The following PTPRB variants were observed in gnomAD, a reference collection of about 807,000 sequenced individuals.
PTPRB encodes the protein protein tyrosine phosphatase receptor type B.
A neutral mutation model predicts 238.1 loss-of-function variants in PTPRB; 97 were observed. The observed-to-expected ratio is 0.41, with a 90% confidence interval of 0.35 to 0.48. The LOEUF (loss-of-function observed/expected upper bound fraction) is 0.48. Among genes scored for constraint, PTPRB ranks in the 20% least tolerant of loss-of-function variants. The pLI, the probability that PTPRB is intolerant of heterozygous loss-of-function variation, is 0.30. For missense variants in PTPRB, 2,292 were observed against 2,681.9 expected (o/e 0.85, Z 3.21); for synonymous variants, 970 against 995.4 (o/e 0.97, Z 0.48).
Position 70,571,879 on chromosome 12 carries a change from A to G in PTPRB, c.3051T>C (p.Thr1017=), listed in dbSNP as rs1880098535. 6.2e-7 allele frequency: 1 copy of G among 1,613,866 alleles called. No homozygotes were observed. The highest frequency in any genetic ancestry group is 8.5e-7 in the Non-Finnish European group (1 of 1,179,842). The stretch of plus-strand genomic sequence containing the variant: ...CATATTGTCCACTTTTTGTAGTAAC[A>G]GTGACACTGTACAACCGTCCAGGGA... ...QLVPGRLYSV[T]VTTKSGQYEA... Residue 1017 remains threonine (T), a synonymous_variant, in exon 12 of 34, where the codon ACT becomes ACC. Coordinates refer to ENST00000334414, the MANE Select transcript of PTPRB (RefSeq NM_001109754.4).
chr12:70,548,426 G>A (rs1334413281), intron 21 of PTPRB, among the ~76,000 whole-genome samples: 8 of 151,040 alleles, frequency 5.3e-5, no homozygotes, highest in Non-Finnish European at 2.9e-5. Context: ...GCCTGGGCTA[G>A]GAACAAGAGG....
chr12:70,555,246 G>A lies in PTPRB; in HGVS notation c.5057C>T (p.Ser1686Phe). The change falls in exon 20 of 34, where the codon TCC becomes TTC. Residue 1686 changes from serine to phenylalanine, a missense_variant. Around this residue, in one of 4 missense-constraint regions of PTPRB, gnomAD observed 683 missense variants for 862.0 expected, o/e 0.79. Transcript: ENST00000334414. ...GCTGCAGTTGACAGTAAAGTTGATG[G>A]AAGACTTGCTAATTAGCACATCCTT... Reference protein sequence around the residue: ...NEKDVLISKSSINFTVNCSWF... With the variant: ...NEKDVLISKSFINFTVNCSWF... The A allele has an allele frequency of 1.9e-6, 3 of 1,613,854 alleles. No individual in the cohort carries two copies. The highest frequency in any genetic ancestry group is 2.5e-6 in the Non-Finnish European group (3 of 1,179,858).
chr12:70,555,408 C>T (rs1877506916), intron 19 of PTPRB, 99 bp from the exon 20 acceptor site: 3 of 1,166,618 alleles, frequency 2.6e-6, no homozygotes, highest in Non-Finnish European at 2.4e-6. Flanking sequence ...TCTCCTGCAT[C>T]AGACTGTGTG....
In PTPRB at chr12:70,556,049, A is replaced by C; in HGVS notation, c.4814T>G (p.Ile1605Ser). 1 of 1,613,944 alleles carries C rather than the reference A, an allele frequency of 6.2e-7. No homozygotes were observed. Among genetic ancestry groups the C allele is most frequent in the East Asian group, 2.2e-5 (1 of 44,870 alleles). Residue 1605 changes from isoleucine to serine, a missense_variant, in exon 19 of 34, where the codon ATT (isoleucine) becomes AGT (serine). Transcript: ENST00000334414. ...TTGGGTGTCCATTTTCCGGCATTCA[A>C]TACTATAACCATCAAAGTCAGAATC... ...PPDSDFDGYS[I>S]ECRKMDTQEV...
At chr12:70,531,751 G>A (rs1201344840) in intron 32 of PTPRB, among the ~76,000 whole-genome samples, 3 of 127,676 alleles carry the variant, frequency 2.3e-5, no homozygotes, top group African/African-American at 9.4e-5. Context: ...TGGAGGGAGT[G>A]GGGCTGGGGG....
intron 19 of PTPRB, 113 bp from the exon 20 acceptor site, chr12:70,555,422 G>C: frequency 9.9e-7 from 1 of 1,006,174 alleles, no homozygotes; most frequent in Non-Finnish European, 1.4e-6. Context: ...CTGTGTGTGT[G>C]TGAGCGTGTG....
At chr12:70,534,458 C>T (rs778527881) in intron 31 of PTPRB, 30 bp downstream of exon 31, 1 of 1,605,920 alleles carries the variant, frequency 6.2e-7, no homozygotes, top group African/African-American at 1.3e-5. Flanking sequence ...TTATGGCTGC[C>T]ATTTTATTGG....
chr12:70,615,531 T>G (rs1276038811), intron 3 of PTPRB, among the ~76,000 whole-genome samples: 1 of 152,236 alleles, frequency 6.6e-6, no homozygotes, highest in African/African-American at 2.4e-5. Context: ...GAAATGGGCT[T>G]TACATAGCTT....
intron 15 of PTPRB, among the ~76,000 whole-genome samples, chr12:70,566,151 A>G (rs991850883): frequency 3.9e-5 from 6 of 152,204 alleles, no homozygotes; most frequent in Admixed American, 2.0e-4. Flanking sequence ...AAAATAATAA[A>G]TTTGGGTGGT....
intron 4 of PTPRB, among the ~76,000 whole-genome samples, chr12:70,604,925 A>G (rs907923477): frequency 3.3e-5 from 5 of 152,296 alleles, no homozygotes; most frequent in Admixed American, 2.6e-4. Flanking sequence ...ATTGTGAGAA[A>G]ATAAATTTCT....
chr12:70,567,986 G>T (rs7300922), intron 14 of PTPRB, among the ~76,000 whole-genome samples: 2 of 151,836 alleles, frequency 1.3e-5, no homozygotes, highest in Non-Finnish European at 2.9e-5. Flanking sequence ...CACCGTGCCC[G>T]GCCTTTATTC....
At chr12:70,541,631 C>T (rs566730015) in intron 22 of PTPRB, 3 of 150,184 alleles carry the variant, frequency 2.0e-5, no homozygotes, top group Admixed American at 6.7e-5. Flanking sequence ...CCTCCCTCCC[C>T]GCGATCCCTG....
chr12:70,569,844 G>C lies in PTPRB; in HGVS notation c.3465C>G (p.Ser1155=). Residue 1155 remains serine, a synonymous_variant, in exon 14 of 34, where the codon TCC becomes TCG. Coordinates refer to ENST00000334414, the MANE Select transcript of PTPRB (RefSeq NM_001109754.4). ...TGTGCCTGAATGCCGACACCGTGTA[G>C]GAATCAACGTCTCCCCCACCAGGAG... ...NWTPGGGDVD[S]YTVSAFRHSQ... is the part of the protein sequence containing the mutation. The C allele has an allele frequency of 1.2e-6, 2 of 1,613,972 alleles. No individual in the cohort carries two copies. The highest frequency in any genetic ancestry group is 1.7e-6 in the Non-Finnish European group (2 of 1,179,894).
At chr12:70,572,795 AAAG>A (rs1364284355) in intron 11 of PTPRB, among the ~76,000 whole-genome samples, 1 of 151,546 alleles carries the variant, frequency 6.6e-6, no homozygotes, top group East Asian at 1.9e-4. Context: ...AAAAAAAAGA[AAAG>A]AAAAGGAAAA....
chr12:70,582,925 A>T (rs888850798), intron 9 of PTPRB, among the ~76,000 whole-genome samples: 7 of 152,176 alleles, frequency 4.6e-5, no homozygotes, highest in Admixed American at 3.9e-4. Flanking sequence ...GGTGACAAAT[A>T]AGCTTGTGAA....
intron 17 of PTPRB, among the ~76,000 whole-genome samples, chr12:70,559,993 C>T (rs573598017): frequency 5.9e-5 from 9 of 151,976 alleles, no homozygotes; most frequent in African/African-American, 1.9e-4. Context: ...CCCACCACTA[C>T]ACCTGGCTAA....
intron 23 of PTPRB, 54 bp downstream of exon 23, chr12:70,540,804 C>T: frequency 7.6e-7 from 1 of 1,312,036 alleles, no homozygotes; most frequent in Non-Finnish European, 1.1e-6. Context: ...AGGGAATTTT[C>T]AGTTGCATTT....
rs912005950 is a variant in PTPRB at position 70,518,522 on chromosome 12, A to G, written c.*2967T>C. ...CATGGGTATAAAAGATAATATGAAC[A>G]GTAGATAAAAATCACATTCAACTGG... On this transcript the variant is annotated 3_prime_UTR_variant, in exon 34 of 34. Transcript: ENST00000334414. 1.3e-5 allele frequency: 2 copies of G among 152,222 alleles called. No individual in the cohort carries two copies. The highest frequency in any genetic ancestry group is 4.8e-5 in the African/African-American group (2 of 41,456). The allele number at this position is 152,222 out of a possible 1,614,324, so 9.4% of individuals were successfully genotyped here.
rs1363525075 is a variant in PTPRB, at chr12:70,609,662, TC to T, written c.709-324del. 1.1e-5 allele frequency: 15 copies of T among 1,313,710 alleles called. No individual in the cohort carries two copies. In the East Asian group the frequency reaches 3.5e-4, roughly 31 times the overall value. 81.4% of individuals were successfully genotyped at this position (1,313,710 alleles called of 1,614,324 possible). On this transcript the variant is annotated intron_variant, in intron 3 of 33. Transcript: ENST00000334414. ...AGAAGAAGAAATTTTGCCACCTCCC[TC>T]TTCAAAGCACAACCCGATAGACGAG... is the stretch of plus-strand genomic sequence containing the variant.
Sources: gnomAD v4.1 joint callset for allele counts (sites outside exome capture counted in the v4.1 genomes callset) on GRCh38, gnomAD v4.1.1 for gene constraint, gnomAD v4.1.1 regional missense constraint, MANE v1.5 for transcripts, NCBI Gene and HGNC (gene_info 2026-07-23, HGNC 2026-07-21) for gene names.